GRID1: variants seen among roughly 807,000 people sequenced by gnomAD.
GRID1 encodes the protein glutamate receptor ionotropic, delta-1.
GRID1 carries 28 observed loss-of-function variants against 98.0 expected under a neutral mutation model. The observed-to-expected ratio is 0.29, with a 90% CI of 0.21 to 0.39. GRID1 has a LOEUF of 0.39. GRID1 is among the 10% of genes least tolerant of loss of function. The probability of loss-of-function intolerance (pLI) is 1.00; values close to 1 mark genes in which losing one functional copy is unlikely to be tolerated. For synonymous variants in GRID1, 553 were observed against 538.5 expected (o/e 1.03, Z -0.37); for missense variants, 1,111 against 1,340.5 (o/e 0.83, Z 2.67).
At chr10:85,995,398 G>T (rs1306630999) in intron 4 of GRID1, among the ~76,000 whole-genome samples, 1 of 152,144 alleles carries the variant, frequency 6.6e-6, no homozygotes, top group East Asian at 1.9e-4. Context: ...CAGCCTTAGG[G>T]GTGAGGAAGA....
intron 4 of GRID1, among the ~76,000 whole-genome samples, chr10:86,003,551 G>A (rs910208941): frequency 6.6e-6 from 1 of 152,206 alleles, no homozygotes; most frequent in Non-Finnish European, 1.5e-5. Flanking sequence ...GCAGCCAGCA[G>A]GACATGTGGC....
At chr10:85,865,912 C>CATAT (rs375258556) in intron 6 of GRID1, among the ~76,000 whole-genome samples, 5,031 of 82,968 alleles carry the variant, frequency 0.061, 223 homozygotes, top group Admixed American at 0.074. Flanking sequence ...TACATATATA[C>CATAT]ATATATATAT....
At chr10:86,290,627 TG>T (rs1847498363) in intron 2 of GRID1, among the ~76,000 whole-genome samples, 2 of 151,506 alleles carry the variant, frequency 1.3e-5, no homozygotes, top group South Asian at 4.2e-4. Context: ...CACTCCAGCC[TG>T]GGCAACAGAG....
At chr10:85,920,390 C>T (rs187251118) in intron 4 of GRID1, among the ~76,000 whole-genome samples, 90 of 152,278 alleles carry the variant, frequency 5.9e-4, no homozygotes, top group African/African-American at 2.1e-3. Flanking sequence ...ACTGGAGTCT[C>T]CAGCCTGCTC....
chr10:85,842,712 G>A (rs1240014034), intron 8 of GRID1, among the ~76,000 whole-genome samples: 1 of 151,974 alleles, frequency 6.6e-6, no homozygotes, highest in Non-Finnish European at 1.5e-5. Flanking sequence ...TAGATAATCT[G>A]AATATCCCAA....
chr10:85,793,850 G>A (rs1394050196), intron 8 of GRID1, among the ~76,000 whole-genome samples: 1 of 152,124 alleles, frequency 6.6e-6, no homozygotes, highest in African/African-American at 2.4e-5. Flanking sequence ...GAGCATTCCT[G>A]GGATAGTCCT....
At chr10:86,123,528 T>G (rs1258224216) in intron 4 of GRID1, among the ~76,000 whole-genome samples, 1 of 152,190 alleles carries the variant, frequency 6.6e-6, no homozygotes, top group Non-Finnish European at 1.5e-5. Flanking sequence ...CTGATTTGTT[T>G]ACCTATTGGC....
At chr10:86,282,758 C>A (rs973601659) in intron 2 of GRID1, among the ~76,000 whole-genome samples, 2 of 152,090 alleles carry the variant, frequency 1.3e-5, no homozygotes, top group Admixed American at 6.5e-5. Context: ...CTGAGCCCCC[C>A]ACTGCCATGG....
chr10:85,893,491 A>T (rs1372158032), intron 5 of GRID1, among the ~76,000 whole-genome samples: 1 of 152,204 alleles, frequency 6.6e-6, no homozygotes, highest in Non-Finnish European at 1.5e-5. Context: ...ATCCCAGGAA[A>T]TCTAAAACAA....
intron 8 of GRID1, among the ~76,000 whole-genome samples, chr10:85,739,791 A>G (rs540006820): frequency 4.6e-5 from 7 of 151,426 alleles, no homozygotes; most frequent in East Asian, 1.9e-4. Context: ...GTGTGGGGGG[A>G]AAAATAGATT....
At chr10:86,199,268 A>G (rs759552022) in intron 3 of GRID1, among the ~76,000 whole-genome samples, 2 of 152,158 alleles carry the variant, frequency 1.3e-5, no homozygotes, top group African/African-American at 4.8e-5. Flanking sequence ...GTCAGCTAAC[A>G]GCACCATGTT....
At chr10:85,813,389 C>T (rs957532066) in intron 8 of GRID1, among the ~76,000 whole-genome samples, 2 of 150,734 alleles carry the variant, frequency 1.3e-5, no homozygotes, top group African/African-American at 2.4e-5. Flanking sequence ...GGATTGGAAT[C>T]ACCATTGATT....
intron 4 of GRID1, among the ~76,000 whole-genome samples, chr10:86,120,667 T>C (rs928133926): frequency 6.6e-6 from 1 of 152,222 alleles, no homozygotes; most frequent in Non-Finnish European, 1.5e-5. Flanking sequence ...ACATCCATTA[T>C]ATGGCAATGT....
At chr10:85,891,838 G>A (rs1841205142) in intron 5 of GRID1, among the ~76,000 whole-genome samples, 1 of 151,920 alleles carries the variant, frequency 6.6e-6, no homozygotes, top group African/African-American at 2.4e-5. Context: ...AAAATTATCA[G>A]GCACATAAAG....
At chr10:86,042,513 A>G (rs894639544) in intron 4 of GRID1, among the ~76,000 whole-genome samples, 1 of 152,204 alleles carries the variant, frequency 6.6e-6, no homozygotes, top group Admixed American at 6.5e-5. Flanking sequence ...GTGGGCATCA[A>G]CTGGAAGCTC....
chr10:86,268,989 CA>C (rs1292199613), intron 2 of GRID1, among the ~76,000 whole-genome samples: 2 of 148,622 alleles, frequency 1.3e-5, no homozygotes, highest in Admixed American at 1.3e-4. Flanking sequence ...GACTCTGTCT[CA>C]AAAAAAAATG....
chr10:85,741,551 A>G (rs556276102), intron 8 of GRID1, among the ~76,000 whole-genome samples: 1 of 152,204 alleles, frequency 6.6e-6, no homozygotes, highest in East Asian at 1.9e-4. Context: ...TTTCTATATC[A>G]GGGTACCATC....
At chr10:86,053,315 C>T (rs1439705642) in intron 4 of GRID1, among the ~76,000 whole-genome samples, 3 of 151,972 alleles carry the variant, frequency 2.0e-5, no homozygotes, top group Non-Finnish European at 4.4e-5. Context: ...TAGCTACTCT[C>T]GTGGACATCT....
intron 12 of GRID1, among the ~76,000 whole-genome samples, chr10:85,674,713 GT>G (rs796827862): frequency 0.032 from 4,630 of 145,118 alleles, 167 homozygotes; most frequent in African/African-American, 0.092. Flanking sequence ...AAAATTGCAG[GT>G]TTTTTTTTTT....
Sources: gnomAD v4.1 joint callset for allele counts (sites outside exome capture counted in the v4.1 genomes callset) on GRCh38, gnomAD v4.1.1 for gene constraint, MANE v1.5 for transcripts, NCBI Gene and HGNC (gene_info 2026-07-23, HGNC 2026-07-21) for gene names.